Variants in ZDHHC14 observed in about 807,000 individuals in gnomAD.
ZDHHC14 encodes the protein palmitoyltransferase ZDHHC14.
Under a neutral mutation model 47.7 loss-of-function variants are expected in ZDHHC14, and 16 were observed. That is an observed-to-expected ratio of 0.34 (90% confidence interval 0.23 to 0.51). The LOEUF (loss-of-function observed/expected upper bound fraction) is 0.51. Among genes scored for constraint, ZDHHC14 ranks in the 20% least tolerant of loss-of-function variants. ZDHHC14 has a pLI of 0.97. For missense variants in ZDHHC14, 515 were observed against 662.5 expected (o/e 0.78, Z 2.44); for synonymous variants, 293 against 278.9 (o/e 1.05, Z -0.50).
intron 1 of ZDHHC14, among the ~76,000 whole-genome samples, chr6:157,403,753 G>T (rs1394332230): frequency 6.6e-6 from 1 of 152,246 alleles, no homozygotes; most frequent in Non-Finnish European, 1.5e-5. Flanking sequence ...TAGCAAGTAT[G>T]ATCTCCTTAG....
intron 3 of ZDHHC14, among the ~76,000 whole-genome samples, chr6:157,614,397 C>A (rs1324798189): frequency 2.7e-5 from 4 of 150,492 alleles, no homozygotes; most frequent in African/African-American, 9.8e-5. Flanking sequence ...AAGCAGTGAT[C>A]CATTTTAGAA....
chr6:157,663,797 C>CTA (rs1778440468), intron 8 of ZDHHC14, among the ~76,000 whole-genome samples: 1 of 152,236 alleles, frequency 6.6e-6, no homozygotes, highest in African/African-American at 2.4e-5. Context: ...ACTTCCCAGA[C>CTA]TATACCACAT....
In ZDHHC14 at chr6:157,517,544, C is replaced by T. The variant is rs542433335; in HGVS notation, c.246-25041C>T. Among the ~76,000 whole-genome samples the T allele has an allele frequency of 2.0e-5, 3 of 152,310 alleles. No individual in the cohort carries two copies. The East Asian group carries it at 5.8e-4, about 29-fold the overall frequency. ...CAGGTTGATCTCGAACTCCTGACCT[C>T]AAGTGATCCATTCGCCTTGGCCTCC... On this transcript the variant is annotated intron_variant, in intron 1 of 8. Coordinates refer to ENST00000359775, the MANE Select transcript of ZDHHC14 (RefSeq NM_024630.3).
intron 8 of ZDHHC14, among the ~76,000 whole-genome samples, chr6:157,662,718 T>C (rs1466039444): frequency 6.6e-6 from 1 of 152,230 alleles, no homozygotes; most frequent in Non-Finnish European, 1.5e-5. Context: ...GTTATGGCCA[T>C]GGTGGGATGA....
chr6:157,432,530 A>G (rs1778359585), intron 1 of ZDHHC14, among the ~76,000 whole-genome samples: 1 of 152,182 alleles, frequency 6.6e-6, no homozygotes, highest in African/African-American at 2.4e-5. Flanking sequence ...CTTGCCTGCC[A>G]TCACTGTCTT....
At chr6:157,599,767 C>G (rs1784272722) in intron 3 of ZDHHC14, among the ~76,000 whole-genome samples, 1 of 152,186 alleles carries the variant, frequency 6.6e-6, no homozygotes, top group Admixed American at 6.5e-5. Context: ...CAATAGGTTG[C>G]CAAATCTAAT....
chr6:157,511,547 CTTT>C (rs34988240), intron 1 of ZDHHC14, among the ~76,000 whole-genome samples: 9 of 114,880 alleles, frequency 7.8e-5, no homozygotes, highest in African/African-American at 1.5e-4. Context: ...AGCCCGGGTA[CTTT>C]TTTTTTTTTT....
chr6:157,557,180 C>G (rs1782509646), intron 2 of ZDHHC14, among the ~76,000 whole-genome samples: 1 of 152,206 alleles, frequency 6.6e-6, no homozygotes, highest in Admixed American at 6.5e-5. Context: ...AAATATTGCA[C>G]CTGCGGGCCT....
intron 1 of ZDHHC14, among the ~76,000 whole-genome samples, chr6:157,420,909 C>A (rs1234330433): frequency 2.6e-5 from 4 of 152,154 alleles, no homozygotes; most frequent in Non-Finnish European, 5.9e-5. Context: ...CAGGAGCAGC[C>A]GTCCTGATCT....
rs868629451 is a variant in ZDHHC14 at position 157,548,950 on chromosome 6, G to A, written c.406+6205G>A. 1.8e-4 allele frequency among the ~76,000 whole-genome samples: 27 copies of A among 152,354 alleles called. 2 individuals carry two copies. The South Asian group carries it at 2.1e-3, about 12-fold the overall frequency. On this transcript the variant is annotated intron_variant, in intron 2 of 8. Transcript: ENST00000359775. Reference sequence around the variant, plus strand: ...TGTTGTTGATGAAGCGTCTCTCCCCGTGTAGGATGTGGCCGCGGCATTTGC... The same window carrying A: ...TGTTGTTGATGAAGCGTCTCTCCCCATGTAGGATGTGGCCGCGGCATTTGC...
intron 1 of ZDHHC14, among the ~76,000 whole-genome samples, chr6:157,499,594 AC>A (rs1268968288): frequency 1.3e-5 from 2 of 152,138 alleles, no homozygotes; most frequent in African/African-American, 4.8e-5. Context: ...TCAGTCCAGA[AC>A]CTGCCTCACC....
At chr6:157,656,410 C>T (rs2114996494) in intron 8 of ZDHHC14, among the ~76,000 whole-genome samples, 1 of 152,016 alleles carries the variant, frequency 6.6e-6, no homozygotes, top group East Asian at 1.9e-4. Context: ...TCTCCACTCA[C>T]TGTAACCTCC....
chr6:157,670,376 C>T (rs1006441477), intron 8 of ZDHHC14, among the ~76,000 whole-genome samples: 19 of 152,206 alleles, frequency 1.2e-4, no homozygotes, highest in African/African-American at 4.6e-4. Context: ...TCACTGGAAC[C>T]TCTGCCTTCT....
chr6:157,635,542 T>A (rs1778201059), intron 5 of ZDHHC14, among the ~76,000 whole-genome samples: 1 of 152,214 alleles, frequency 6.6e-6, no homozygotes, highest in African/African-American at 2.4e-5. Context: ...ACAAAGTCAG[T>A]TATTCAGGAA....
chr6:157,516,792 G>T (rs990044916), intron 1 of ZDHHC14, among the ~76,000 whole-genome samples: 2 of 152,126 alleles, frequency 1.3e-5, no homozygotes, highest in African/African-American at 4.8e-5. Flanking sequence ...GTCAGTCACC[G>T]GACATACTGC....
intron 1 of ZDHHC14, among the ~76,000 whole-genome samples, chr6:157,526,084 G>T (rs542603066): frequency 2.3e-4 from 35 of 152,314 alleles, no homozygotes; most frequent in Non-Finnish European, 7.4e-5. Flanking sequence ...ACCAAAACAA[G>T]AAACAGCAGG....
chr6:157,472,388 A>G (rs1408841918), intron 1 of ZDHHC14, among the ~76,000 whole-genome samples: 2 of 152,060 alleles, frequency 1.3e-5, no homozygotes, highest in African/African-American at 4.8e-5. Flanking sequence ...CCACAGGGAG[A>G]TAAATGTTTA....
At chr6:157,552,954 A>C (rs1782300470) in intron 2 of ZDHHC14, among the ~76,000 whole-genome samples, 1 of 152,208 alleles carries the variant, frequency 6.6e-6, no homozygotes. Flanking sequence ...ACATTTGTTA[A>C]AACATGAAGG....
At position 157,452,331 on chromosome 6, in the gene ZDHHC14, C is replaced by T. The variant is rs146798131; in HGVS notation, c.245+70065C>T. ...TAAATCACCTGCTGCATGAATCATC[C>T]TTTGGGAAAGACTGGCTTACCCAGC... On this transcript the variant is annotated intron_variant, in intron 1 of 8. Coordinates refer to ENST00000359775, the MANE Select transcript of ZDHHC14 (RefSeq NM_024630.3). 3.9e-5 allele frequency among the ~76,000 whole-genome samples: 6 copies of T among 152,086 alleles called. No individual in the cohort carries two copies. The East Asian group carries it at 1.2e-3, about 29-fold the overall frequency.
Sources: gnomAD v4.1 joint callset for allele counts (sites outside exome capture counted in the v4.1 genomes callset) on GRCh38, gnomAD v4.1.1 for gene constraint, MANE v1.5 for transcripts, NCBI Gene and HGNC (gene_info 2026-07-23, HGNC 2026-07-21) for gene names.